MAST2: variants seen among roughly 807,000 people sequenced by gnomAD.
The protein encoded by MAST2 is microtubule associated serine/threonine kinase 2.
A neutral mutation model predicts 147.4 loss-of-function variants in MAST2; 70 were observed. The ratio of observed to expected loss-of-function variants is 0.47; its 90% CI spans 0.39 to 0.58. The LOEUF (loss-of-function observed/expected upper bound fraction) is 0.58, where lower values mean the gene tolerates loss of function less well. MAST2 is among the 20% of genes least tolerant of loss of function. The pLI is 0.00. For missense variants in MAST2, 2,080 were observed against 2,302.3 expected, an observed-to-expected ratio of 0.90 and a Z score of 1.98; for synonymous variants, 869 against 896.8, an observed-to-expected ratio of 0.97 and a Z score of 0.55.
At chr1:45,998,349 C>T (rs1156673722) in intron 6 of MAST2, among the ~76,000 whole-genome samples, 1 of 152,202 alleles carries the variant, frequency 6.6e-6, no homozygotes, top group Admixed American at 6.5e-5. Context: ...GCATACAGAG[C>T]CATGCTTACA....
At chr1:45,875,427 C>T (rs190753250) in intron 3 of MAST2, among the ~76,000 whole-genome samples, 4 of 152,152 alleles carry the variant, frequency 2.6e-5, no homozygotes, top group African/African-American at 7.2e-5. Context: ...GCCTGGGTGA[C>T]AGAACGAGAC....
chr1:45,880,422 C>T (rs1337984675), intron 3 of MAST2, among the ~76,000 whole-genome samples: 1 of 152,030 alleles, frequency 6.6e-6, no homozygotes, highest in African/African-American at 2.4e-5. Flanking sequence ...TGGGGATTTA[C>T]GAAGAAAGGA....
intron 4 of MAST2, among the ~76,000 whole-genome samples, chr1:45,912,296 A>G (rs1160187105): frequency 6.6e-6 from 1 of 152,316 alleles, no homozygotes; most frequent in Non-Finnish European, 1.5e-5. Context: ...TAAAGTTTAC[A>G]TTATGACCCA....
chr1:45,816,221 A>AAGAGAGAGAGAG (rs144287036), intron 1 of MAST2, among the ~76,000 whole-genome samples: 2 of 134,736 alleles, frequency 1.5e-5, no homozygotes, highest in Non-Finnish European at 3.1e-5. Flanking sequence ...GAGAGAGAGA[A>AAGAGAGAGAGAG]AGAGAGAGAG....
intron 4 of MAST2, among the ~76,000 whole-genome samples, chr1:45,900,007 T>C (rs967492737): frequency 6.6e-6 from 1 of 151,012 alleles, no homozygotes; most frequent in Non-Finnish European, 1.5e-5. Flanking sequence ...CTGTCTCTAC[T>C]AAAAATAAAA....
intron 5 of MAST2, among the ~76,000 whole-genome samples, chr1:45,970,529 G>A (rs1455366523): frequency 1.3e-5 from 2 of 151,934 alleles, no homozygotes; most frequent in East Asian, 3.9e-4. Context: ...TTAGCTGGGT[G>A]TGGTGGCAGC....
chr1:45,901,419 T>C (rs745604188), intron 4 of MAST2, among the ~76,000 whole-genome samples: 1 of 152,232 alleles, frequency 6.6e-6, no homozygotes, highest in Non-Finnish European at 1.5e-5. Flanking sequence ...TAGTATAATT[T>C]GAAGTCGAGT....
Position 46,023,032 on chromosome 1 carries a change from T to C in MAST2, c.1485+61T>C. On this transcript the variant is annotated intron_variant, in intron 13 of 28. Coordinates refer to ENST00000361297, the MANE Select transcript of MAST2 (RefSeq NM_015112.3). The surrounding 1 kb of genome is among the most constrained non-coding windows in gnomAD (Gnocchi z 4.9). ...CTGGGCCCTATGAAGCAAAGAGCTA[T>C]GAATTCTCTTTAAGAGAATATCTGA... is the stretch of plus-strand genomic sequence containing the variant. The C allele has an allele frequency of 6.7e-7, 1 of 1,500,932 alleles. No homozygotes were observed. Among genetic ancestry groups the C allele is most frequent in the Non-Finnish European group, 9.3e-7 (1 of 1,080,404 alleles). The allele number at this position is 1,500,932 out of a possible 1,614,324, so 93.0% of individuals were successfully genotyped here.
chr1:45,849,062 A>G (rs1462837072), intron 3 of MAST2, among the ~76,000 whole-genome samples: 3 of 152,200 alleles, frequency 2.0e-5, no homozygotes, highest in East Asian at 1.9e-4. Context: ...ATTAGAAGAC[A>G]CTGCTCAAGG....
At chr1:45,923,164 G>A (rs1408211766) in intron 4 of MAST2, among the ~76,000 whole-genome samples, 1 of 152,112 alleles carries the variant, frequency 6.6e-6, no homozygotes, top group African/African-American at 2.4e-5. Flanking sequence ...TCCCACTGGC[G>A]GACGGCTCAG....
chr1:45,818,692 A>C (rs1037379136), intron 1 of MAST2, among the ~76,000 whole-genome samples: 3 of 152,082 alleles, frequency 2.0e-5, no homozygotes, highest in African/African-American at 7.2e-5. Context: ...CCTCACCTTC[A>C]AGGCTTGCCT....
intron 4 of MAST2, among the ~76,000 whole-genome samples, chr1:45,890,038 C>CTGGCCTAAACTTAACTTAG: frequency 6.6e-6 from 1 of 152,162 alleles, no homozygotes; most frequent in Non-Finnish European, 1.5e-5. Context: ...GCCCCCGTGC[C>CTGGCCTAAACTTAACTTAG]CAGCTGGAAT....
rs1007898871 is a variant in MAST2 at position 46,006,515 on chromosome 1, G to A, written c.902+120G>A. 3.4e-6 allele frequency: 3 copies of A among 882,058 alleles called. No individual in the cohort carries two copies. The African/African-American group carries it at 5.0e-5, about 15-fold the overall frequency. 54.6% of individuals were successfully genotyped at this position (882,058 alleles called of 1,614,324 possible). Reference sequence around the variant, plus strand: ...ATAGTAAATATTTTTAGGCTTTATAGGCCATATATCTCTGTCACATTCCTC... The same window carrying A: ...ATAGTAAATATTTTTAGGCTTTATAAGCCATATATCTCTGTCACATTCCTC... On this transcript the variant is annotated intron_variant, in intron 8 of 28. Transcript: ENST00000361297.
chr1:45,859,552 C>A (rs917629272), intron 3 of MAST2, among the ~76,000 whole-genome samples: 1 of 152,138 alleles, frequency 6.6e-6, no homozygotes, highest in African/African-American at 2.4e-5. Context: ...TGTGGCCAGA[C>A]ACAACATGAG....
chr1:46,013,978 GT>G (rs977818941), intron 10 of MAST2, among the ~76,000 whole-genome samples: 1 of 151,558 alleles, frequency 6.6e-6, no homozygotes, highest in African/African-American at 2.4e-5. Flanking sequence ...CATTTACTGT[GT>G]TTTTTTTCCG....
chr1:45,910,111 T>TG lies in MAST2; in HGVS notation c.500+27717dup, dbSNP rs1553229711. 4.8e-5 allele frequency among the ~76,000 whole-genome samples: 6 copies of TG among 124,530 alleles called. No homozygotes were observed. The South Asian group carries it at 1.0e-3, about 21-fold the overall frequency. The allele number at this position is 124,530 out of a possible 152,430, so 81.7% of individuals were successfully genotyped here. ...TGTGTAAGTACTTTTTGTGTGCAGTTGTTTTTTTTTTTTTTCCCCAAATTT... is the reference window on the plus strand; with the variant it reads ...TGTGTAAGTACTTTTTGTGTGCAGTTGGTTTTTTTTTTTTTTCCCCAAATTT... On this transcript the variant is annotated intron_variant, in intron 4 of 28. Coordinates refer to ENST00000361297, the MANE Select transcript of MAST2 (RefSeq NM_015112.3).
At chr1:45,888,722 C>T (rs1647218356) in intron 4 of MAST2, among the ~76,000 whole-genome samples, 1 of 101,224 alleles carries the variant, frequency 9.9e-6, no homozygotes, top group Non-Finnish European at 1.9e-5. Flanking sequence ...TGCTCTCTCG[C>T]CCAGGCTGGA....
At chr1:45,941,903 G>T (rs537904062) in intron 4 of MAST2, among the ~76,000 whole-genome samples, 45 of 152,190 alleles carry the variant, frequency 3.0e-4, no homozygotes, top group Non-Finnish European at 6.5e-4. Flanking sequence ...AGTGTTTGGA[G>T]AGTAATACAT....
At chr1:45,996,064 T>C (rs768200888) in intron 5 of MAST2, among the ~76,000 whole-genome samples, 14 of 151,830 alleles carry the variant, frequency 9.2e-5, no homozygotes, top group Non-Finnish European at 1.8e-4. Context: ...TCAGTGGTGC[T>C]GTTTATTTAG....
Sources: gnomAD v4.1 joint callset for allele counts (sites outside exome capture counted in the v4.1 genomes callset) on GRCh38, gnomAD v4.1.1 for gene constraint, Gnocchi (gnomAD v3.1) non-coding constraint, MANE v1.5 for transcripts, NCBI Gene and HGNC (gene_info 2026-07-23, HGNC 2026-07-21) for gene names.